Variants in CWH43 observed in about 807,000 individuals in gnomAD.
CWH43 encodes PGAP2-interacting protein.
CWH43 carries 91 observed loss-of-function variants against 85.7 expected under a neutral mutation model. The ratio of observed to expected loss-of-function variants is 1.06; its 90% CI spans 0.90 to 1.26. CWH43 has a LOEUF of 1.26. CWH43 is among the 50% of genes most tolerant of loss of function. The pLI, the probability that CWH43 is intolerant of heterozygous loss-of-function variation, is 0.00. For missense variants in CWH43, 869 were observed against 839.2 expected, an observed-to-expected ratio of 1.04 and a Z score of -0.44; for synonymous variants, 323 against 293.6, an observed-to-expected ratio of 1.10 and a Z score of -1.02.
chr4:49,002,778 G>T (rs1317668886), intron 6 of CWH43, among the ~76,000 whole-genome samples: 1 of 152,172 alleles, frequency 6.6e-6, no homozygotes, highest in Non-Finnish European at 1.5e-5. Context: ...CAGGCAGGTG[G>T]CATTGCCCTG....
chr4:49,057,885 G>A (rs1366114789), intron 15 of CWH43, among the ~76,000 whole-genome samples: 1 of 152,072 alleles, frequency 6.6e-6, no homozygotes, highest in Admixed American at 6.5e-5. Flanking sequence ...TCTTCTGACA[G>A]TTTTTGACTT....
chr4:49,056,155 A>G (rs1219060507), intron 15 of CWH43, among the ~76,000 whole-genome samples: 2 of 140,838 alleles, frequency 1.4e-5, no homozygotes, highest in Non-Finnish European at 3.0e-5. Flanking sequence ...TATGAGTGAG[A>G]ATATGCGGTG....
intron 6 of CWH43, 75 bp downstream of exon 6, chr4:48,998,623 G>T (rs111714807): frequency 9.6e-6 from 10 of 1,047,080 alleles, no homozygotes; most frequent in Non-Finnish European, 1.5e-5. Flanking sequence ...TGCGCAACTC[G>T]ACTGAAAGTA....
At position 48,994,618 on chromosome 4, in the gene CWH43, G is replaced by T. The variant is rs1782753615; in HGVS notation, c.512-1G>T. The T allele has an allele frequency of 1.9e-6, 3 of 1,608,510 alleles. No homozygotes were observed. Among genetic ancestry groups the T allele is most frequent in the Non-Finnish European group, 1.7e-6 (2 of 1,178,322 alleles). On this transcript the variant is annotated splice_acceptor_variant, in intron 4 of 15. Transcript: ENST00000226432. LOFTEE classifies it high-confidence loss of function. ...TCCATATATGTATTTTTAAATTCTAGATGGTGACTGCAGTAAACCTGAAGA... is the reference window on the plus strand; with the variant it reads ...TCCATATATGTATTTTTAAATTCTATATGGTGACTGCAGTAAACCTGAAGA...
At chr4:49,011,588 C>T (rs1414734354) in intron 8 of CWH43, among the ~76,000 whole-genome samples, 3 of 152,120 alleles carry the variant, frequency 2.0e-5, no homozygotes, top group Non-Finnish European at 4.4e-5. Context: ...CATGTTTTTG[C>T]ATGGTACTGG....
rs1482537168 is a variant in CWH43, at chr4:49,017,588, T to G, written c.1266+260T>G. On this transcript the variant is annotated intron_variant, in intron 9 of 15. Coordinates refer to ENST00000226432, the MANE Select transcript of CWH43 (RefSeq NM_025087.3). ...GGAGTTATTTCTGCCATTCATGATT[T>G]AACATATCTGAACTATGTGTATTAG... Among the ~76,000 whole-genome samples the G allele has an allele frequency of 3.9e-5, 6 of 152,318 alleles. No homozygotes were observed. In the East Asian group the frequency reaches 5.8e-4, roughly 15 times the overall value.
At chr4:49,016,294 A>G (rs1342845751) in intron 8 of CWH43, among the ~76,000 whole-genome samples, 5 of 152,114 alleles carry the variant, frequency 3.3e-5, no homozygotes, top group African/African-American at 1.2e-4. Context: ...CCATGTGTTT[A>G]TTCCCTCCCA....
chr4:49,060,690 T>C (rs1785126252), intron 15 of CWH43, among the ~76,000 whole-genome samples: 1 of 152,242 alleles, frequency 6.6e-6, no homozygotes, highest in Admixed American at 6.5e-5. Context: ...ATTTCTCTAA[T>C]ACATTCAAAT....
At chr4:49,009,830 T>G (rs1389618328) in intron 8 of CWH43, among the ~76,000 whole-genome samples, 1 of 152,210 alleles carries the variant, frequency 6.6e-6, no homozygotes, top group East Asian at 1.9e-4. Context: ...TGAAGCTAAC[T>G]TGATCTTGGT....
At chr4:49,061,323 T>C (rs1290441473) in intron 15 of CWH43, among the ~76,000 whole-genome samples, 4 of 152,230 alleles carry the variant, frequency 2.6e-5, no homozygotes, top group Non-Finnish European at 4.4e-5. Context: ...AGTGGCCTCT[T>C]ATGTGCAAGT....
intron 6 of CWH43, among the ~76,000 whole-genome samples, chr4:49,002,648 A>G (rs752448356): frequency 6.6e-5 from 10 of 152,162 alleles, no homozygotes; most frequent in Non-Finnish European, 1.3e-4. Flanking sequence ...TTCCATTGAG[A>G]ATCTAGGTAT....
intron 8 of CWH43, among the ~76,000 whole-genome samples, chr4:49,016,031 C>T (rs1325795696): frequency 2.0e-5 from 3 of 151,612 alleles, no homozygotes; most frequent in Non-Finnish European, 2.9e-5. Context: ...TTCTTTGTTT[C>T]CTGCTCATGG....
At chr4:49,035,443 A>G in intron 12 of CWH43, among the ~76,000 whole-genome samples, 1 of 152,212 alleles carries the variant, frequency 6.6e-6, no homozygotes, top group Non-Finnish European at 1.5e-5. Context: ...CACCATTTAA[A>G]GAAATCTATA....
chr4:49,029,068 G>T (rs1467902476), intron 10 of CWH43, among the ~76,000 whole-genome samples: 1 of 152,126 alleles, frequency 6.6e-6, no homozygotes, highest in Admixed American at 6.5e-5. Context: ...CACTGTTGGG[G>T]ACCAGAAGAC....
chr4:49,055,718 T>C (rs1272612887), intron 15 of CWH43, among the ~76,000 whole-genome samples: 2 of 151,800 alleles, frequency 1.3e-5, no homozygotes. Flanking sequence ...GCCTCCTGAG[T>C]AGCTGCGATT....
chr4:49,031,210 GT>G, intron 11 of CWH43: 1 of 377,504 alleles, frequency 2.6e-6, no homozygotes, highest in South Asian at 7.6e-5. Context: ...CACCAAGCAT[GT>G]CTGGCCTGGA....
intron 9 of CWH43, among the ~76,000 whole-genome samples, chr4:49,022,103 A>G (rs1783766977): frequency 6.6e-6 from 1 of 152,118 alleles, no homozygotes; most frequent in African/African-American, 2.4e-5. Context: ...TATAATGGTG[A>G]AAGTGGGCAT....
At chr4:49,056,516 TCTC>T (rs1046366307) in intron 15 of CWH43, among the ~76,000 whole-genome samples, 3 of 152,160 alleles carry the variant, frequency 2.0e-5, no homozygotes, top group Admixed American at 6.5e-5. Context: ...AGTTGTAACA[TCTC>T]CACACTGATT....
At chr4:49,021,921 G>A (rs558691183) in intron 9 of CWH43, among the ~76,000 whole-genome samples, 2 of 152,230 alleles carry the variant, frequency 1.3e-5, no homozygotes, top group East Asian at 3.9e-4. Context: ...AAACTTTGCT[G>A]AATTCATTTA....
Sources: allele counts gnomAD v4.1 joint callset (sites outside exome capture counted in the v4.1 genomes callset), GRCh38; gene constraint gnomAD v4.1.1; transcripts MANE v1.5; gene names NCBI Gene and HGNC (gene_info 2026-07-23, HGNC 2026-07-21).